GPC5: variants seen among roughly 807,000 people sequenced by gnomAD.
GPC5 encodes the protein glypican 5, also known as glypican-5.
In GPC5, 47 loss-of-function variants were observed where a neutral mutation model predicts 53.9. The observed-to-expected ratio is 0.87, with a 90% CI of 0.69 to 1.11. The LOEUF is 1.11. Ranked by LOEUF, GPC5 falls within the 50% of genes most tolerant of loss-of-function variation. The pLI, the probability that GPC5 is intolerant of heterozygous loss-of-function variation, is 0.00. For missense variants in GPC5, 748 were observed against 713.1 expected (o/e 1.05, Z -0.56); for synonymous variants, 286 against 263.3 (o/e 1.09, Z -0.84).
chr13:91,985,445 G>C (rs1286829409), intron 6 of GPC5, among the ~76,000 whole-genome samples: 1 of 149,032 alleles, frequency 6.7e-6, no homozygotes, highest in African/African-American at 2.5e-5. Context: ...TAAATCTACT[G>C]TTTTGTTTGG....
chr13:92,291,450 TC>T (rs2042995061), intron 7 of GPC5, among the ~76,000 whole-genome samples: 1 of 152,100 alleles, frequency 6.6e-6, no homozygotes, highest in Admixed American at 6.5e-5. Flanking sequence ...AATGCACCAA[TC>T]GACACTGTAT....
chr13:92,455,208 A>G (rs1248863078), intron 7 of GPC5, among the ~76,000 whole-genome samples: 2 of 152,204 alleles, frequency 1.3e-5, no homozygotes, highest in Admixed American at 1.3e-4. Flanking sequence ...TAGAAACTTC[A>G]TTAGTTTCAC....
intron 7 of GPC5, among the ~76,000 whole-genome samples, chr13:92,503,373 A>C (rs994917986): frequency 5.9e-5 from 9 of 151,758 alleles, no homozygotes; most frequent in African/African-American, 1.9e-4. Context: ...CAGCAAATCA[A>C]ATTTGTGGGA....
Position 91,699,557 on chromosome 13 carries a change from A to G in GPC5, c.1020+5676A>G, listed in dbSNP as rs569391375. On this transcript the variant is annotated intron_variant, in intron 3 of 7. Coordinates refer to ENST00000377067, the MANE Select transcript of GPC5 (RefSeq NM_004466.6). ...GTTGATATTGAACTTATGATTTAGTACATGGCTCTTCTGAGGAATAAGACT... is the reference window on the plus strand; with the variant it reads ...GTTGATATTGAACTTATGATTTAGTGCATGGCTCTTCTGAGGAATAAGACT... 4.3e-4 allele frequency among the ~76,000 whole-genome samples: 65 copies of G among 152,326 alleles called. 1 individual carries two copies. Among genetic ancestry groups the G allele is most frequent in the Middle Eastern group, 6.8e-3 (2 of 294 alleles).
intron 2 of GPC5, among the ~76,000 whole-genome samples, chr13:91,504,636 A>G (rs143053269): frequency 6.6e-6 from 1 of 152,298 alleles, no homozygotes; most frequent in Non-Finnish European, 1.5e-5. Context: ...CTTAAATAAT[A>G]AGACATTATG....
At chr13:92,254,130 A>G (rs559121220) in intron 7 of GPC5, among the ~76,000 whole-genome samples, 17 of 152,184 alleles carry the variant, frequency 1.1e-4, no homozygotes, top group Admixed American at 2.6e-4. Flanking sequence ...AAACCAGGGG[A>G]ACAAAAAATT....
chr13:91,465,223 A>G (rs1162924769), intron 2 of GPC5, among the ~76,000 whole-genome samples: 1 of 152,058 alleles, frequency 6.6e-6, no homozygotes, highest in Non-Finnish European at 1.5e-5. Context: ...TGTCATATTT[A>G]TTGTAGGGGC....
intron 7 of GPC5, among the ~76,000 whole-genome samples, chr13:92,384,045 T>G (rs1421927471): frequency 1.3e-5 from 2 of 152,126 alleles, no homozygotes; most frequent in Non-Finnish European, 2.9e-5. Context: ...CAGGATTTAG[T>G]GCAGCAAAGA....
intron 2 of GPC5, among the ~76,000 whole-genome samples, chr13:91,677,816 A>G (rs896400713): frequency 6.6e-6 from 1 of 152,204 alleles, no homozygotes. Context: ...TTTTAAATAT[A>G]TATTTCTAGT....
chr13:91,532,866 C>T (rs1169546362), intron 2 of GPC5, among the ~76,000 whole-genome samples: 3 of 151,794 alleles, frequency 2.0e-5, no homozygotes, highest in African/African-American at 4.8e-5. Flanking sequence ...AGAATGAGAC[C>T]CTGTCTCAAA....
At chr13:92,247,621 G>A (rs1478357671) in intron 7 of GPC5, among the ~76,000 whole-genome samples, 15 of 152,070 alleles carry the variant, frequency 9.9e-5, no homozygotes, top group Non-Finnish European at 1.8e-4. Flanking sequence ...ATAATACATA[G>A]GAGGTGATCA....
At chr13:92,076,184 T>C (rs1429971175) in intron 6 of GPC5, among the ~76,000 whole-genome samples, 2 of 151,918 alleles carry the variant, frequency 1.3e-5, no homozygotes, top group African/African-American at 4.8e-5. Context: ...TTCTCCTGCC[T>C]CAACCTCCCG....
At chr13:92,072,540 A>C (rs2041221083) in intron 6 of GPC5, among the ~76,000 whole-genome samples, 1 of 149,406 alleles carries the variant, frequency 6.7e-6, no homozygotes, top group Non-Finnish European at 1.5e-5. Context: ...CTGGGATTAC[A>C]GGCGTGAGCC....
At chr13:91,435,826 T>C (rs909372302) in intron 1 of GPC5, among the ~76,000 whole-genome samples, 1 of 152,228 alleles carries the variant, frequency 6.6e-6, no homozygotes, top group Admixed American at 6.5e-5. Context: ...CTGGACTGTT[T>C]TTGGTTGGTA....
intron 7 of GPC5, among the ~76,000 whole-genome samples, chr13:92,207,842 A>T (rs1402971930): frequency 1.3e-5 from 2 of 152,198 alleles, no homozygotes; most frequent in African/African-American, 4.8e-5. Flanking sequence ...ATGCGCTTAT[A>T]GTACTCTGAA....
In GPC5 at chr13:92,792,745, T is replaced by C. The variant is rs571163103; in HGVS notation, c.1562-73537T>C. On this transcript the variant is annotated intron_variant, in intron 7 of 7. Coordinates refer to ENST00000377067, the MANE Select transcript of GPC5 (RefSeq NM_004466.6). ...GCAGGGGTTGCAATCCTAGTCTCTG[T>C]TAAAACAGACTTTAAACCAACAAAG... Among the ~76,000 whole-genome samples the C allele has an allele frequency of 2.0e-5, 3 of 152,028 alleles. No homozygotes were observed. The East Asian group carries it at 5.8e-4, about 29-fold the overall frequency.
At chr13:91,648,409 AAGTAAAATATGAGATTGTCACT>A (rs58425465) in intron 2 of GPC5, among the ~76,000 whole-genome samples, 9,726 of 151,984 alleles carry the variant, frequency 0.064, 1,040 homozygotes, top group African/African-American at 0.22. Context: ...TTAAAAACTA[AAGTAAAATATGAGATTGTCACT>A]CTTACATCTT....
At position 91,434,384 on chromosome 13, in the gene GPC5, T is replaced by A. The variant is rs1879745677; in HGVS notation, c.164-14377T>A. Among the ~76,000 whole-genome samples, 4 of 152,052 alleles carry A rather than the reference T, an allele frequency of 2.6e-5. No individual in the cohort carries two copies. The South Asian group carries it at 8.3e-4, about 32-fold the overall frequency. On this transcript the variant is annotated intron_variant, in intron 1 of 7. Coordinates refer to ENST00000377067, the MANE Select transcript of GPC5 (RefSeq NM_004466.6). ...ATCTTGAATTAATTTTTGTATAAGG[T>A]GTAAGGAAGGGATCCAGTTTCAGCT...
At chr13:91,488,788 CTG>C (rs1883764784) in intron 2 of GPC5, among the ~76,000 whole-genome samples, 1 of 152,236 alleles carries the variant, frequency 6.6e-6, no homozygotes, top group Admixed American at 6.5e-5. Context: ...ACCGTAAACT[CTG>C]ACTGCTGGTG....
Sources: allele counts gnomAD v4.1 joint callset (sites outside exome capture counted in the v4.1 genomes callset), GRCh38; gene constraint gnomAD v4.1.1; transcripts MANE v1.5; gene names NCBI Gene and HGNC (gene_info 2026-07-23, HGNC 2026-07-21).